NAV2: variants seen among roughly 807,000 people sequenced by gnomAD.
The protein encoded by NAV2 is neuron navigator 2, also known as helicase, APC down-regulated 1.
Under a neutral mutation model 223.2 loss-of-function variants are expected in NAV2, and 54 were observed. That is an observed-to-expected ratio of 0.24 (90% CI 0.19 to 0.30). The LOEUF (loss-of-function observed/expected upper bound fraction) is 0.30, where lower values mean the gene tolerates loss of function less well. Among genes scored for constraint, NAV2 ranks in the 10% least tolerant of loss-of-function variants. The probability of loss-of-function intolerance (pLI) is 1.00; values close to 1 mark genes in which losing one functional copy is unlikely to be tolerated. For missense variants in NAV2, 2,806 were observed against 3,147.5 expected (o/e 0.89, Z 2.60); for synonymous variants, 1,279 against 1,239.3 (o/e 1.03, Z -0.67).
At chr11:20,047,342 G>A (rs1305782830) in intron 14 of NAV2, among the ~76,000 whole-genome samples, 8 of 152,144 alleles carry the variant, frequency 5.3e-5, no homozygotes, top group Non-Finnish European at 1.2e-4. Flanking sequence ...AATCGTTAAG[G>A]TATTCTTAGT....
At chr11:19,562,213 T>C (rs966624363) in intron 1 of NAV2, among the ~76,000 whole-genome samples, 3 of 152,214 alleles carry the variant, frequency 2.0e-5, no homozygotes, top group Non-Finnish European at 4.4e-5. Flanking sequence ...TTATCTATAT[T>C]TTCTCATTTA....
chr11:20,111,074 C>G (rs535570270), intron 36 of NAV2, among the ~76,000 whole-genome samples: 1 of 152,288 alleles, frequency 6.6e-6, no homozygotes, highest in South Asian at 2.1e-4. Context: ...CTCTAGTGAG[C>G]ATAAGGTAGC....
intron 4 of NAV2, among the ~76,000 whole-genome samples, chr11:19,873,534 T>C (rs1388755263): frequency 6.6e-6 from 1 of 152,136 alleles, no homozygotes; most frequent in East Asian, 1.9e-4. Flanking sequence ...AGTGTATGCT[T>C]TGAAGTGAAA....
intron 1 of NAV2, among the ~76,000 whole-genome samples, chr11:19,430,424 A>G (rs956857546): frequency 1.3e-5 from 2 of 152,174 alleles, no homozygotes; most frequent in African/African-American, 4.8e-5. Flanking sequence ...CTCTTGAGAC[A>G]GTTCAAACCC....
At chr11:19,834,567 T>TC (rs397781004) in intron 2 of NAV2, among the ~76,000 whole-genome samples, 75 of 151,744 alleles carry the variant, frequency 4.9e-4, no homozygotes, top group Non-Finnish European at 9.4e-4. Context: ...TTTTTTTTTT[T>TC]CTTTGGTAGG....
At chr11:20,070,172 G>A (rs2059310604) in intron 22 of NAV2, among the ~76,000 whole-genome samples, 2 of 152,104 alleles carry the variant, frequency 1.3e-5, no homozygotes, top group Admixed American at 6.5e-5. Context: ...CTATAGACAG[G>A]TTCTATCCCG....
At chr11:19,704,023 G>C (rs150792889) in intron 1 of NAV2, among the ~76,000 whole-genome samples, 27 of 151,804 alleles carry the variant, frequency 1.8e-4, no homozygotes, top group East Asian at 1.6e-3. Flanking sequence ...GTTTTTTTTG[G>C]GGGGGTGGAA....
intron 6 of NAV2, among the ~76,000 whole-genome samples, chr11:19,930,070 G>A (rs1002981091): frequency 6.6e-6 from 1 of 152,140 alleles, no homozygotes; most frequent in Admixed American, 6.5e-5. Flanking sequence ...TAGGGGGCGG[G>A]AGCTTTATTC....
At chr11:19,716,750 T>C (rs1030249015) in intron 1 of NAV2, among the ~76,000 whole-genome samples, 1 of 152,196 alleles carries the variant, frequency 6.6e-6, no homozygotes, top group African/African-American at 2.4e-5. Flanking sequence ...GATACATCCA[T>C]TTTCTATGAC....
At chr11:19,543,840 C>G (rs2044407279) in intron 1 of NAV2, among the ~76,000 whole-genome samples, 1 of 152,188 alleles carries the variant, frequency 6.6e-6, no homozygotes, top group Admixed American at 6.5e-5. Context: ...CCTCCTCTTC[C>G]TCTTATAGCT....
chr11:19,786,205 C>T (rs2057107233), intron 1 of NAV2, among the ~76,000 whole-genome samples: 1 of 152,206 alleles, frequency 6.6e-6, no homozygotes, highest in Non-Finnish European at 1.5e-5. Flanking sequence ...ATCTACAGTG[C>T]AGTTCCAGGA....
chr11:19,658,947 A>C (rs1296127721), intron 1 of NAV2, among the ~76,000 whole-genome samples: 1 of 152,204 alleles, frequency 6.6e-6, no homozygotes, highest in Admixed American at 6.5e-5. Context: ...AGTCCTGGGG[A>C]AAACGAAATC....
intron 1 of NAV2, among the ~76,000 whole-genome samples, chr11:19,546,933 A>T (rs1032382609): frequency 3.9e-5 from 6 of 152,164 alleles, no homozygotes; most frequent in African/African-American, 1.4e-4. Context: ...GGTCTGGGAG[A>T]TGATCAGTTG....
chr11:19,967,945 C>T (rs576769677), intron 10 of NAV2, among the ~76,000 whole-genome samples: 3 of 152,228 alleles, frequency 2.0e-5, no homozygotes, highest in African/African-American at 4.8e-5. Context: ...GTAGAGGCAC[C>T]AAAGACATTT....
Position 19,530,181 on chromosome 11 carries a change from C to T in NAV2, c.75+179154C>T, listed in dbSNP as rs548934215. ...CATTCTGGTGACCCCAGCAAAGAGG[C>T]GGTGTGGGGACTGCCTCTGTGTGGG... On this transcript the variant is annotated intron_variant, in intron 1 of 37. Transcript: ENST00000360655. Among the ~76,000 whole-genome samples, 188 of 152,184 alleles carry T rather than the reference C, an allele frequency of 1.2e-3. 1 individual carries two copies. Among genetic ancestry groups the T allele is most frequent in the African/African-American group, 4.3e-3 (177 of 41,530 alleles).
chr11:19,415,252 G>T (rs980281163), intron 1 of NAV2, among the ~76,000 whole-genome samples: 1 of 152,026 alleles, frequency 6.6e-6, no homozygotes, highest in Non-Finnish European at 1.5e-5. Flanking sequence ...ATAAAAAATG[G>T]TAAAGGGGAT....
intron 1 of NAV2, among the ~76,000 whole-genome samples, chr11:19,477,139 C>T (rs2729884): frequency 0.54 from 82,298 of 151,922 alleles, 22,288 homozygotes; most frequent in Admixed American, 0.58. Flanking sequence ...CAAACCCTTC[C>T]CAAGGTAAAG....
chr11:20,091,096 G>A (rs895538129), intron 27 of NAV2, 78 bp downstream of exon 27: 2 of 1,512,164 alleles, frequency 1.3e-6, no homozygotes, highest in Non-Finnish European at 9.0e-7. Context: ...ACTAAGCCCT[G>A]AGGGCTGCAT....
At chr11:20,075,850 A>C (rs2059712777) in intron 22 of NAV2, among the ~76,000 whole-genome samples, 1 of 145,968 alleles carries the variant, frequency 6.9e-6, no homozygotes, top group Non-Finnish European at 1.5e-5. Context: ...CGAATTTCAC[A>C]GCATGATCAA....
Sources: gnomAD v4.1 joint callset for allele counts (sites outside exome capture counted in the v4.1 genomes callset) on GRCh38, gnomAD v4.1.1 for gene constraint, MANE v1.5 for transcripts, NCBI Gene and HGNC (gene_info 2026-07-23, HGNC 2026-07-21) for gene names.